The following PES1 variants were observed in gnomAD, a reference collection of about 807,000 sequenced individuals.
The protein encoded by PES1 is pescadillo ribosomal biogenesis factor 1.
PES1 carries 31 observed loss-of-function variants against 77.1 expected under a neutral mutation model. The observed-to-expected ratio is 0.40, with a 90% CI of 0.30 to 0.54. The LOEUF is 0.54. PES1 is among the 20% of genes least tolerant of loss of function. PES1 has a pLI of 0.45. For missense variants in PES1, 658 were observed against 771.7 expected (o/e 0.85, Z 1.75); for synonymous variants, 282 against 303.0 (o/e 0.93, Z 0.72).
intron 6 of PES1, 28 bp from the exon 7 acceptor site, chr22:30,581,672 G>C: frequency 6.7e-7 from 1 of 1,503,712 alleles, no homozygotes; most frequent in Non-Finnish European, 9.2e-7. Flanking sequence ...TGCATGAGCA[G>C]TGTGGGTGCA....
At chr22:30,602,968 T>C (rs2087380454) in intron 2 of PES1, among the ~76,000 whole-genome samples, 1 of 152,078 alleles carries the variant, frequency 6.6e-6, no homozygotes, top group Non-Finnish European at 1.5e-5. Context: ...TGGAGTGCAG[T>C]GGCGTAATCT....
chr22:30,588,159 C>G lies in PES1; in HGVS notation c.120G>C (p.Leu40=). 1 of 1,614,186 alleles carries G rather than the reference C, an allele frequency of 6.2e-7. No individual in the cohort carries two copies. Among genetic ancestry groups the G allele is most frequent in the Non-Finnish European group, 8.5e-7 (1 of 1,180,046 alleles). The part of the protein sequence containing the change: ...SLADFRRLCI[L]KGIYPHEPKH... ...TGGGTTCATGGGGATAAATGCCCTTCAGAATGCACAGCCGCCTGGAAGACA... is the reference window on the plus strand; with the variant it reads ...TGGGTTCATGGGGATAAATGCCCTTGAGAATGCACAGCCGCCTGGAAGACA... Residue 40 remains leucine (L), a synonymous_variant, in exon 3 of 15, where the codon CTG becomes CTC. Coordinates refer to ENST00000354694, the MANE Select transcript of PES1 (RefSeq NM_014303.4).
intron 2 of PES1, among the ~76,000 whole-genome samples, chr22:30,600,573 T>G (rs1331291193): frequency 6.6e-6 from 1 of 152,050 alleles, no homozygotes; most frequent in African/African-American, 2.4e-5. Context: ...TCCCAGCACT[T>G]TGGGAGGCCG....
At chr22:30,580,839 C>T in intron 9 of PES1, 138 bp from the exon 10 acceptor site, 2 of 1,370,466 alleles carry the variant, frequency 1.5e-6, no homozygotes, top group Non-Finnish European at 2.0e-6. Context: ...AGGCCCCACT[C>T]CTGAGCTCTG....
intron 13 of PES1, 30 bp from the exon 14 acceptor site, chr22:30,579,028 G>A (rs1239712169): frequency 4.4e-6 from 7 of 1,605,674 alleles, no homozygotes; most frequent in Non-Finnish European, 8.5e-7. Flanking sequence ...GCTTATGGGG[G>A]CAGGTTCTCC....
At chr22:30,580,430 C>T (rs555451359) in intron 10 of PES1, 141 bp downstream of exon 10, 358 of 1,198,956 alleles carry the variant, frequency 3.0e-4, no homozygotes, top group Middle Eastern at 5.9e-4. Context: ...GTGCTCAGTG[C>T]GGTGCCGAGC....
At chr22:30,603,420 C>T (rs1364226441) in intron 2 of PES1, among the ~76,000 whole-genome samples, 1 of 150,392 alleles carries the variant, frequency 6.6e-6, no homozygotes, top group Non-Finnish European at 1.5e-5. Flanking sequence ...CTTGCTCTGT[C>T]ACCCAGGCTG....
chr22:30,577,099 G>C lies in PES1; in HGVS notation c.1714C>G (p.His572Asp). The C allele has an allele frequency of 6.2e-7, 1 of 1,614,140 alleles. No individual in the cohort carries two copies. Among genetic ancestry groups the C allele is most frequent in the Non-Finnish European group, 8.5e-7 (1 of 1,180,036 alleles). ...TTCTCAGACCTCACCGCCTCATCGTGGGCTTTCCGCTTCTCCGCCAGCTTG... is the reference window on the plus strand; with the variant it reads ...TTCTCAGACCTCACCGCCTCATCGTCGGCTTTCCGCTTCTCCGCCAGCTTG... ...ANKLAEKRKA[H>D]DEAVRSEKKA... Residue 572 changes from histidine to aspartate, a missense_variant, in exon 15 of 15, where the codon CAC (histidine) becomes GAC (aspartate). By Grantham distance (81) the His-to-Asp change is moderately conservative (BLOSUM62 -1). Transcript: ENST00000354694.
At chr22:30,600,646 C>G (rs1176350918) in intron 2 of PES1, among the ~76,000 whole-genome samples, 1 of 152,120 alleles carries the variant, frequency 6.6e-6, no homozygotes, top group Non-Finnish European at 1.5e-5. Flanking sequence ...GAAACCCCGT[C>G]TCTACTAAAA....
intron 2 of PES1, among the ~76,000 whole-genome samples, chr22:30,603,091 A>G (rs975778680): frequency 6.6e-6 from 1 of 151,938 alleles, no homozygotes; most frequent in Non-Finnish European, 1.5e-5. Context: ...TTGTATTTTT[A>G]GTAGAGACTG....
In PES1 at chr22:30,588,091, G is replaced by T. The variant is rs747963784; in HGVS notation, c.188C>A (p.Thr63Lys). The T allele has an allele frequency of 1.2e-6, 2 of 1,614,158 alleles. No homozygotes were observed. The highest frequency in any genetic ancestry group is 2.2e-5 in the South Asian group (2 of 91,082). ...CCTGATGTCTTTGATAAGGTAAAAC[G>T]TTCGGGCTGCTGTAGAACCCTTGTT... is the stretch of plus-strand genomic sequence containing the variant. ...KVNKGSTAAR[T>K]FYLIKDIRFL... The change falls in exon 3 of 15, where the codon ACG becomes AAG. Residue 63 changes from threonine (T) to lysine (K), a missense_variant. By Grantham distance (78) the Thr-to-Lys change is moderately conservative (BLOSUM62 -1). Coordinates refer to ENST00000354694, the MANE Select transcript of PES1 (RefSeq NM_014303.4).
chr22:30,599,563 C>G (rs568078853), intron 2 of PES1, among the ~76,000 whole-genome samples: 1 of 152,140 alleles, frequency 6.6e-6, no homozygotes, highest in Non-Finnish European at 1.5e-5. Context: ...TAATGATTAC[C>G]TTTGTCTAAT....
In PES1 at chr22:30,598,963, C is replaced by G. The variant is rs1017509082; in HGVS notation, c.-661+6498G>C. ...CCAGGCTAGAGTGCAGTGGTGCGATCTTGGCTCACTGCAACCTCCGTTTCC... is the reference window on the plus strand; with the variant it reads ...CCAGGCTAGAGTGCAGTGGTGCGATGTTGGCTCACTGCAACCTCCGTTTCC... On this transcript the variant is annotated intron_variant, in intron 2 of 16. Transcript: ENST00000402281. Among the ~76,000 whole-genome samples, 7 of 110,258 alleles carry G rather than the reference C, an allele frequency of 6.3e-5. No homozygotes were observed. In the East Asian group the frequency reaches 2.1e-3, roughly 33 times the overall value. The allele number at this position is 110,258 out of a possible 152,430, so 72.3% of individuals were successfully genotyped here.
chr22:30,596,275 T>G (rs11914168), upstream of PES1, among the ~76,000 whole-genome samples: 25,517 of 152,100 alleles, frequency 0.17, 2,250 homozygotes, highest in African/African-American at 0.19. Context: ...TTCTATATAG[T>G]TCAGCCAGGT....
intron 2 of PES1, among the ~76,000 whole-genome samples, chr22:30,605,162 T>G (rs1007077929): frequency 1.3e-5 from 2 of 151,946 alleles, no homozygotes; most frequent in Non-Finnish European, 2.9e-5. Flanking sequence ...TCCCTGGCAT[T>G]TTTTGGTTTT....
At chr22:30,606,048 G>A (rs749807969) in intron 1 of PES1, among the ~76,000 whole-genome samples, 3 of 152,150 alleles carry the variant, frequency 2.0e-5, no homozygotes, top group Non-Finnish European at 4.4e-5. Context: ...TAAGTGACCT[G>A]GCCAAAGTCA....
At position 30,587,903 on chromosome 22, in the gene PES1, C is replaced by T. The variant is rs185851892; in HGVS notation, c.258+118G>A. 2.9e-5 allele frequency: 29 copies of T among 1,012,436 alleles called. No individual in the cohort carries two copies. The African/African-American group carries it at 4.0e-4, about 14-fold the overall frequency. 62.7% of individuals were successfully genotyped at this position (1,012,436 alleles called of 1,614,324 possible). A position where few individuals can be genotyped will look rare whatever the true frequency, so the allele number is the denominator to read the frequency against. On this transcript the variant is annotated intron_variant, in intron 3 of 14. Coordinates refer to ENST00000354694, the MANE Select transcript of PES1 (RefSeq NM_014303.4). ...CTCCAAGTACTTCTGTTGAGGCTCA[C>T]CCTGCCCTCTGTATAGGCTTACTCA...
chr22:30,592,090 G>A, upstream of PES1: 1 of 1,308,708 alleles, frequency 7.6e-7, no homozygotes, highest in Non-Finnish European at 9.7e-7. Flanking sequence ...AACACTTTAA[G>A]TGTTAAAACA....
At chr22:30,603,024 C>T (rs2087381653) in intron 2 of PES1, among the ~76,000 whole-genome samples, 1 of 151,998 alleles carries the variant, frequency 6.6e-6, no homozygotes, top group South Asian at 2.1e-4. Context: ...AATTCTCCAG[C>T]CTCAGACTCC....
Sources: allele counts gnomAD v4.1 joint callset (sites outside exome capture counted in the v4.1 genomes callset), GRCh38; gene constraint gnomAD v4.1.1; transcripts MANE v1.5; gene names NCBI Gene and HGNC (gene_info 2026-07-23, HGNC 2026-07-21).